The following PSIP1 variants were observed in gnomAD, a reference collection of about 807,000 sequenced individuals.
The protein encoded by PSIP1 is PC4 and SFRS1-interacting protein.
PSIP1 carries 19 observed loss-of-function variants against 74.7 expected under a neutral mutation model. The observed-to-expected ratio is 0.25, with a 90% CI of 0.18 to 0.37. The LOEUF is 0.37. Ranked by LOEUF, PSIP1 falls within the 10% of genes least tolerant of loss-of-function variation. PSIP1 has a pLI of 1.00. For synonymous variants in PSIP1, 222 were observed against 195.3 expected, an observed-to-expected ratio of 1.14 and a Z score of -1.14; for missense variants, 601 against 614.3, an observed-to-expected ratio of 0.98 and a Z score of 0.23.
chr9:15,474,258 ATG>A, intron 8 of PSIP1, 21 bp from the exon 9 acceptor site: 3 of 1,560,494 alleles, frequency 1.9e-6, no homozygotes, highest in Non-Finnish European at 2.6e-6. Flanking sequence ...GAACATAACA[ATG>A]TATACTTGTC....
At position 15,490,102 on chromosome 9, in the gene PSIP1, T is replaced by C. The variant is rs1306041831; in HGVS notation, c.172A>G (p.Ile58Val). Residue 58 changes from isoleucine to valine, a missense_variant, in exon 4 of 16, where the codon ATA (isoleucine) becomes GTA (valine). Ile to Val is a conservative substitution (Grantham distance 29, BLOSUM62 3). Transcript: ENST00000380733. ...HETAFLGPKD[I>V]FPYSENKEKY... ...TCCTTATTTTCTGAGTAAGGAAATA[T>C]ATCCTTTGGTCCTAAAAAAGCACTA... The C allele has an allele frequency of 2.5e-6, 4 of 1,599,124 alleles. No individual in the cohort carries two copies. Among genetic ancestry groups the C allele is most frequent in the African/African-American group, 2.7e-5 (2 of 74,046 alleles).
At chr9:15,466,900 C>G in intron 14 of PSIP1, 41 bp from the exon 15 acceptor site, 1 of 1,484,502 alleles carries the variant, frequency 6.7e-7, no homozygotes, top group Non-Finnish European at 9.3e-7. Context: ...TTAAAGCTTA[C>G]AAAACAATAA....
chr9:15,490,130 A>G lies in PSIP1; in HGVS notation c.150-6T>C, dbSNP rs1343268946. ...CCTTTGGTCCTAAAAAAGCACTAAAAAAGAAGTGGGGAAGATGTGAGTGCA... is the reference window on the plus strand; with the variant it reads ...CCTTTGGTCCTAAAAAAGCACTAAAGAAGAAGTGGGGAAGATGTGAGTGCA... On this transcript the variant is annotated splice_region_variant and splice_polypyrimidine_tract_variant and intron_variant, in intron 3 of 15. Coordinates refer to ENST00000380733, the MANE Select transcript of PSIP1 (RefSeq NM_033222.5). 14 of 1,574,704 alleles carry G rather than the reference A, an allele frequency of 8.9e-6. No homozygotes were observed. The highest frequency in any genetic ancestry group is 1.2e-5 in the Non-Finnish European group (14 of 1,165,922).
intron 12 of PSIP1, 33 bp downstream of exon 12, chr9:15,469,233 G>C (rs774640530): frequency 4.3e-6 from 6 of 1,386,722 alleles, no homozygotes; most frequent in African/African-American, 1.4e-5. Context: ...TATAAATGCA[G>C]TACTGAAGTA....
chr9:15,490,209 C>T, intron 3 of PSIP1, 85 bp from the exon 4 acceptor site: 1 of 1,238,354 alleles, frequency 8.1e-7, no homozygotes, highest in South Asian at 2.1e-5. Flanking sequence ...ACACAATTAT[C>T]AAAAATACAG....
At chr9:15,476,756 A>G (rs1354641563) in intron 8 of PSIP1, among the ~76,000 whole-genome samples, 1 of 152,216 alleles carries the variant, frequency 6.6e-6, no homozygotes, top group Non-Finnish European at 1.5e-5. Flanking sequence ...ACCAGAATTA[A>G]ACACACATAC....
At chr9:15,474,333 A>C in intron 8 of PSIP1, 96 bp from the exon 9 acceptor site, 1 of 1,050,926 alleles carries the variant, frequency 9.5e-7, no homozygotes, top group South Asian at 1.8e-5. Flanking sequence ...AGGCAAATCT[A>C]AAACAAAGTA....
At chr9:15,497,436 C>G (rs558105472) in intron 3 of PSIP1, among the ~76,000 whole-genome samples, 1 of 150,586 alleles carries the variant, frequency 6.6e-6, no homozygotes, top group African/African-American at 2.5e-5. Flanking sequence ...AAACAATTCT[C>G]CTGCCTTAGC....
chr9:15,499,775 G>C (rs756827173), intron 3 of PSIP1, among the ~76,000 whole-genome samples: 1 of 151,786 alleles, frequency 6.6e-6, no homozygotes, highest in African/African-American at 2.4e-5. Flanking sequence ...TCAGGAGGCT[G>C]AGGCAGGAGA....
intron 14 of PSIP1, among the ~76,000 whole-genome samples, chr9:15,467,496 GTT>G (rs758678395): frequency 6.6e-6 from 1 of 152,146 alleles, no homozygotes; most frequent in Non-Finnish European, 1.5e-5. Context: ...CTATGATTCT[GTT>G]TTAAGAGTCT....
intron 4 of PSIP1, among the ~76,000 whole-genome samples, chr9:15,488,451 G>T (rs570812116): frequency 3.3e-5 from 5 of 152,254 alleles, no homozygotes; most frequent in East Asian, 1.9e-4. Flanking sequence ...AACAGAGGAC[G>T]TTTATTGATG....
chr9:15,488,876 C>A (rs1190292820), intron 4 of PSIP1, among the ~76,000 whole-genome samples: 1 of 151,500 alleles, frequency 6.6e-6, no homozygotes, highest in South Asian at 2.1e-4. Flanking sequence ...AAAAAATTAG[C>A]CGGGTGTGGT....
intron 3 of PSIP1, among the ~76,000 whole-genome samples, chr9:15,501,416 C>G (rs553854104): frequency 6.6e-6 from 1 of 151,884 alleles, no homozygotes; most frequent in African/African-American, 2.4e-5. Context: ...AATTCAGTCA[C>G]TGTTGCAGTG....
chr9:15,500,134 A>AT (rs2037264573), intron 3 of PSIP1, among the ~76,000 whole-genome samples: 1 of 152,162 alleles, frequency 6.6e-6, no homozygotes, highest in South Asian at 2.1e-4. Flanking sequence ...CAGACAACTG[A>AT]ATATGCACGC....
intron 6 of PSIP1, among the ~76,000 whole-genome samples, chr9:15,481,625 A>C (rs1376527924): frequency 6.6e-6 from 1 of 152,190 alleles, no homozygotes; most frequent in Non-Finnish European, 1.5e-5. Context: ...CAGAGATTGC[A>C]GTGAGCTGAC....
Position 15,468,791 on chromosome 9 carries a change from T to G in PSIP1, c.1259A>C (p.Tyr420Ser). Residue 420 changes from tyrosine to serine, a missense_variant, in exon 14 of 16, where the codon TAT (tyrosine) becomes TCT (serine). This residue lies in a region of PSIP1 where 538 missense variants were observed against 507.6 expected (regional missense o/e 1.06). Coordinates refer to ENST00000380733, the MANE Select transcript of PSIP1 (RefSeq NM_033222.5). ...QVIMEKSTML[Y>S]NKFKNMFLVG... ...CAAGAACATGTTCTTAAACTTGTTA[T>G]ACAACATTGTAGACTTTTCCATGAT... The G allele has an allele frequency of 6.2e-7, 1 of 1,614,080 alleles. No homozygotes were observed. The highest frequency in any genetic ancestry group is 8.5e-7 in the Non-Finnish European group (1 of 1,179,946).
chr9:15,471,718 C>T (rs1260439216), intron 10 of PSIP1: 2 of 965,174 alleles, frequency 2.1e-6, no homozygotes, highest in African/African-American at 1.8e-5. Context: ...CAGAGTAAAA[C>T]GCTGTACTTG....
chr9:15,477,024 A>G (rs2036117128), intron 8 of PSIP1, among the ~76,000 whole-genome samples: 1 of 152,112 alleles, frequency 6.6e-6, no homozygotes, highest in South Asian at 2.1e-4. Flanking sequence ...TGGGAAGCAT[A>G]CTCCGGGGGA....
At chr9:15,470,074 A>G in intron 10 of PSIP1, 81 bp from the exon 11 acceptor site, 1 of 1,161,698 alleles carries the variant, frequency 8.6e-7, no homozygotes, top group East Asian at 2.4e-5. Context: ...AAAGCTAAAA[A>G]TGTTTTCCTT....
Sources: allele counts gnomAD v4.1 joint callset (sites outside exome capture counted in the v4.1 genomes callset), GRCh38; gene constraint gnomAD v4.1.1; regional missense constraint gnomAD v4.1.1; transcripts MANE v1.5; gene names NCBI Gene and HGNC (gene_info 2026-07-23, HGNC 2026-07-21).